Variants in KLK4 observed in about 807,000 individuals in gnomAD.
The protein encoded by KLK4 is kallikrein-4.
Under a neutral mutation model 24.3 loss-of-function variants are expected in KLK4, and 24 were observed. The ratio of observed to expected loss-of-function variants is 0.99; its 90% CI spans 0.72 to 1.39. The LOEUF is 1.39. Among genes scored for constraint, KLK4 ranks in the 40% most tolerant of loss-of-function variants. The probability of loss-of-function intolerance (pLI) is 0.00; values close to 1 mark genes in which losing one functional copy is unlikely to be tolerated. For missense variants in KLK4, 344 were observed against 327.4 expected (o/e 1.05, Z -0.39); for synonymous variants, 142 against 138.8 (o/e 1.02, Z -0.16).
chr19:50,908,067 T>G, intron 5 of KLK4: 3 of 485,206 alleles, frequency 6.2e-6, no homozygotes, highest in East Asian at 3.8e-5. Flanking sequence ...TATAAGAGGA[T>G]TTTCTGTTGG....
intron 1 of KLK4, among the ~76,000 whole-genome samples, 64 bp downstream of exon 1, chr19:50,911,275 G>A (rs997242559): frequency 6.6e-6 from 1 of 152,236 alleles, no homozygotes; most frequent in African/African-American, 2.4e-5. Context: ...GCGACATGGA[G>A]CTGTAGGGAG....
At chr19:50,907,045 C>G (rs1771291183) in exon 6 of KLK4, 1 of 1,614,166 alleles carries the variant, frequency 6.2e-7, no homozygotes, top group Non-Finnish European at 8.5e-7. Context: ...ACACAAGGCC[C>G]TGCAAGTACC....
chr19:50,910,622 T>G lies in KLK4; in HGVS notation c.61+56A>C. 2 of 1,489,578 alleles carry G rather than the reference T, an allele frequency of 1.3e-6. No homozygotes were observed. Among genetic ancestry groups the G allele is most frequent in the Non-Finnish European group, 1.8e-6 (2 of 1,090,514 alleles). 92.3% of individuals were successfully genotyped at this position (1,489,578 alleles called of 1,614,324 possible). On this transcript the variant is annotated intron_variant, in intron 2 of 5. Coordinates refer to ENST00000324041, the Ensembl canonical transcript of KLK4. This position sits in a 1 kb window ranked among gnomAD's most constrained non-coding sequence, Gnocchi z 4.4. ...GAGGACACTGAGTCACACCTGAACATTAACAAACACTGTGCCCCCAAGCAC... is the reference window on the plus strand; with the variant it reads ...GAGGACACTGAGTCACACCTGAACAGTAACAAACACTGTGCCCCCAAGCAC...
At chr19:50,908,519 GC>G (rs771848170) in intron 4 of KLK4, 24 bp from the exon 5 acceptor site, 1 of 1,614,160 alleles carries the variant, frequency 6.2e-7, no homozygotes, top group South Asian at 1.1e-5. Flanking sequence ...CTCTGGGTCA[GC>G]CCCCGCGACT....
intron 3 of KLK4, 47 bp from the exon 4 acceptor site, chr19:50,908,876 A>G (rs568383529): frequency 6.2e-7 from 1 of 1,602,230 alleles, no homozygotes; most frequent in African/African-American, 1.3e-5. Flanking sequence ...CTACATCCTT[A>G]CCTCCATTCT....
chr19:50,909,009 T>G, intron 3 of KLK4, 180 bp from the exon 4 acceptor site: 1 of 1,490,332 alleles, frequency 6.7e-7, no homozygotes, highest in Admixed American at 2.1e-5. Context: ...GGACAAGAAC[T>G]TGCCTTAGTT....
Position 50,910,572 on chromosome 19 carries a change from C to T in KLK4, c.61+106G>A. The T allele has an allele frequency of 2.0e-6, 2 of 1,023,310 alleles. No individual in the cohort carries two copies. The highest frequency in any genetic ancestry group is 3.0e-6 in the Non-Finnish European group (2 of 665,154). The allele number at this position is 1,023,310 out of a possible 1,614,324, so 63.4% of individuals were successfully genotyped here. ...GGACGGATAACACGGTACCGTCTCA[C>T]AGGCAGCTTTGCAGTCACAAGCAAG... On this transcript the variant is annotated intron_variant, in intron 2 of 5. Transcript: ENST00000324041. This position sits in a 1 kb window ranked among gnomAD's most constrained non-coding sequence, Gnocchi z 4.4.
At chr19:50,909,696 G>A (rs1056369690) in intron 2 of KLK4, among the ~76,000 whole-genome samples, 1 of 151,972 alleles carries the variant, frequency 6.6e-6, no homozygotes, top group Non-Finnish European at 1.5e-5. Flanking sequence ...TCCTGGGGGT[G>A]GGGTTATGGT....
chr19:50,907,072 C>A (rs1398816587), exon 6 of KLK4: 4 of 1,613,986 alleles, frequency 2.5e-6, no homozygotes, highest in Admixed American at 1.7e-5. Context: ...AGATCAGGGG[C>A]CCCCCAGAGT....
chr19:50,909,156 CA>C, intron 3 of KLK4, 95 bp downstream of exon 3: 2 of 1,604,102 alleles, frequency 1.2e-6, no homozygotes, highest in Non-Finnish European at 1.7e-6. Flanking sequence ...CCAGAGCCTT[CA>C]CCGCTGTTTC....
Position 50,908,409 on chromosome 19 carries a change from G to GT in KLK4, c.561_562insA (p.Pro188ThrfsTer19), listed in dbSNP as rs748122733. ...CCTCCGCCGGCGCAGAACATGCTGG[G>GT]GTGGTACAGCGGGTCATAGAGCTTA... On this transcript the variant is annotated frameshift_variant, in exon 5 of 6. Transcript: ENST00000324041. LOFTEE classifies it high-confidence loss of function. 1 of 1,614,094 alleles carries GT rather than the reference G, an allele frequency of 6.2e-7. No homozygotes were observed. Among genetic ancestry groups the GT allele is most frequent in the East Asian group, 2.2e-5 (1 of 44,880 alleles).
chr19:50,908,654 T>G, exon 4 of KLK4: 1 of 1,614,138 alleles, frequency 6.2e-7, no homozygotes, highest in Non-Finnish European at 8.5e-7. Flanking sequence ...ATGCTGATGC[T>G]CCGGATGGTG....
At chr19:50,907,794 C>G (rs1190435502) in intron 5 of KLK4, among the ~76,000 whole-genome samples, 1 of 152,140 alleles carries the variant, frequency 6.6e-6, no homozygotes, top group African/African-American at 2.4e-5. Context: ...ACACAGTTGA[C>G]CCTTGAACAA....
Position 50,906,908 on chromosome 19 carries a change from A to G in KLK4, c.*26T>C, listed in dbSNP as rs760492939. ...TTCCGCAGGATGTATTTGGGGGTCAATTTCATGGGTTCCCAGTCCCCAGAG... is the reference window on the plus strand; with the variant it reads ...TTCCGCAGGATGTATTTGGGGGTCAGTTTCATGGGTTCCCAGTCCCCAGAG... On this transcript the variant is annotated 3_prime_UTR_variant, in exon 6 of 6. Coordinates refer to ENST00000324041, the Ensembl canonical transcript of KLK4. 4.3e-6 allele frequency: 7 copies of G among 1,613,892 alleles called. No homozygotes were observed. The African/African-American group carries it at 5.3e-5, about 12-fold the overall frequency.
intron 2 of KLK4, 79 bp from the exon 3 acceptor site, chr19:50,909,493 C>A (rs974624171): frequency 6.7e-7 from 1 of 1,484,120 alleles, no homozygotes. Context: ...CGAGCAGGGG[C>A]GTGGTCAGAG....
rs747246156 is a variant in KLK4 at position 50,910,742 on chromosome 19, G to C, written c.-4C>G. 3 of 1,552,340 alleles carry C rather than the reference G, an allele frequency of 1.9e-6. No individual in the cohort carries two copies. The South Asian group carries it at 3.6e-5, about 18-fold the overall frequency. ...AGGGATTTCCTGCTGTGGCCATCAC[G>C]TCAGCACCTGGGGATGAGGACTGAG... On this transcript the variant is annotated 5_prime_UTR_variant, in exon 2 of 6. Coordinates refer to ENST00000324041, the Ensembl canonical transcript of KLK4. The surrounding 1 kb of genome is among the most constrained non-coding windows in gnomAD (Gnocchi z 4.4).
intron 5 of KLK4, among the ~76,000 whole-genome samples, chr19:50,907,526 C>A (rs1251870139): frequency 1.3e-5 from 2 of 151,790 alleles, no homozygotes; most frequent in African/African-American, 4.8e-5. Context: ...TCTGCCTCAG[C>A]CTCCCAAGTA....
chr19:50,909,706 T>G (rs1047958574), intron 2 of KLK4, among the ~76,000 whole-genome samples: 3 of 148,282 alleles, frequency 2.0e-5, no homozygotes, highest in Middle Eastern at 3.5e-3. Flanking sequence ...GGGGTTATGG[T>G]GCAGGGGTCA....
Position 50,910,711 on chromosome 19 carries a change from A to G in KLK4, c.28T>C (p.Trp10Arg). 6.4e-7 allele frequency: 1 copy of G among 1,555,420 alleles called. No individual in the cohort carries two copies. ...CCAAGGATGAGGTACCCCAGGAACC[A>G]GCCCCAGGGATTTCCTGCTGTGGCC... is the stretch of plus-strand genomic sequence containing the variant. The change falls in exon 2 of 6, where the codon TGG becomes CGG. Residue 10 changes from tryptophan to arginine, a missense_variant. Physicochemically the swap from Trp to Arg is moderately radical, Grantham distance 101 (BLOSUM62 -3). Transcript: ENST00000324041. The surrounding 1 kb of genome is among the most constrained non-coding windows in gnomAD (Gnocchi z 4.4).
Sources: gnomAD v4.1 joint callset for allele counts (sites outside exome capture counted in the v4.1 genomes callset) on GRCh38, gnomAD v4.1.1 for gene constraint, Gnocchi (gnomAD v3.1) non-coding constraint, MANE v1.5 for transcripts, NCBI Gene and HGNC (gene_info 2026-07-23, HGNC 2026-07-21) for gene names.